The following RYR2 variants were observed in gnomAD, a reference collection of about 807,000 sequenced individuals.
RYR2 encodes the protein ryanodine receptor 2.
A neutral mutation model predicts 601.1 loss-of-function variants in RYR2; 227 were observed. The observed-to-expected ratio is 0.38, with a 90% confidence interval of 0.34 to 0.42. RYR2 has a LOEUF of 0.42. Ranked by LOEUF, RYR2 falls within the 10% of genes least tolerant of loss-of-function variation. The pLI is 1.00. For synonymous variants in RYR2, 2,223 were observed against 2,175.1 expected, an observed-to-expected ratio of 1.02 and a Z score of -0.61; for missense variants, 4,646 against 6,156.5, an observed-to-expected ratio of 0.75 and a Z score of 8.21.
At chr1:237,705,430 T>A (rs1688290864) in intron 67 of RYR2, 87 bp downstream of exon 67, 2 of 1,082,728 alleles carry the variant, frequency 1.8e-6, no homozygotes, top group Non-Finnish European at 1.3e-6. Flanking sequence ...TTTAATGAGC[T>A]CTTTCAGTTT....
At position 237,353,872 on chromosome 1, in the gene RYR2, G is replaced by A. The variant is rs1032163889; in HGVS notation, c.274-2093G>A. 4.6e-5 allele frequency among the ~76,000 whole-genome samples: 7 copies of A among 152,068 alleles called. 1 individual carries two copies. The highest frequency in any genetic ancestry group is 4.6e-4 in the Admixed American group (7 of 15,248). On this transcript the variant is annotated intron_variant, in intron 3 of 104. Transcript: ENST00000366574. ...TTCCTTTGTCTTATATGTTTTATGG[G>A]TTTGTAATTGCGTAAATTCTAAAAT...
intron 100 of RYR2, among the ~76,000 whole-genome samples, chr1:237,814,323 C>G (rs530445869): frequency 9.2e-5 from 14 of 152,306 alleles, no homozygotes; most frequent in Admixed American, 3.3e-4. Context: ...ATGACAGTCT[C>G]TTGAACGTGT....
chr1:237,491,155 T>A (rs1316274687), intron 17 of RYR2, among the ~76,000 whole-genome samples: 1 of 152,258 alleles, frequency 6.6e-6, no homozygotes, highest in Non-Finnish European at 1.5e-5. Context: ...TTGTGGTGGC[T>A]AGTACCTAAA....
intron 52 of RYR2, among the ~76,000 whole-genome samples, chr1:237,654,816 A>G (rs1278960564): frequency 1.3e-5 from 2 of 152,220 alleles, no homozygotes; most frequent in Admixed American, 6.5e-5. Context: ...GTGCCCTGCT[A>G]AAGTCTCCAG....
chr1:237,542,252 C>A (rs1281855867), intron 25 of RYR2, among the ~76,000 whole-genome samples: 1 of 151,984 alleles, frequency 6.6e-6, no homozygotes. Flanking sequence ...CATCACCACA[C>A]CCAGCTAATT....
intron 2 of RYR2, among the ~76,000 whole-genome samples, chr1:237,304,115 A>G (rs1480663101): frequency 1.3e-5 from 2 of 152,156 alleles, no homozygotes; most frequent in South Asian, 2.1e-4. Context: ...GTGTGATATG[A>G]TTCTTTTATA....
chr1:237,254,675 CTA>C (rs1284320381), intron 1 of RYR2, among the ~76,000 whole-genome samples: 1 of 152,110 alleles, frequency 6.6e-6, no homozygotes, highest in Non-Finnish European at 1.5e-5. Flanking sequence ...TATGTGTACT[CTA>C]TACATATATT....
At chr1:237,393,702 T>C (rs1702578948) in intron 10 of RYR2, among the ~76,000 whole-genome samples, 1 of 152,230 alleles carries the variant, frequency 6.6e-6, no homozygotes, top group Non-Finnish European at 1.5e-5. Flanking sequence ...CTTGATGGAA[T>C]AGTCAGTACA....
intron 48 of RYR2, 114 bp downstream of exon 48, chr1:237,643,561 T>A: frequency 9.1e-7 from 1 of 1,104,870 alleles, no homozygotes; most frequent in Non-Finnish European, 1.3e-6. Context: ...ATTATGTGTA[T>A]ACTACTTAAA....
At chr1:237,255,582 A>G (rs960836074) in intron 1 of RYR2, among the ~76,000 whole-genome samples, 5 of 152,190 alleles carry the variant, frequency 3.3e-5, no homozygotes, top group Non-Finnish European at 7.3e-5. Flanking sequence ...ATCAAGAAGT[A>G]TAGTTTGCCA....
intron 41 of RYR2, among the ~76,000 whole-genome samples, chr1:237,631,031 A>G (rs1455235695): frequency 6.6e-6 from 1 of 152,216 alleles, no homozygotes; most frequent in East Asian, 1.9e-4. Context: ...GCAACAGCAT[A>G]TATATGAAAA....
intron 87 of RYR2, among the ~76,000 whole-genome samples, chr1:237,776,629 C>A (rs998265944): frequency 2.0e-5 from 3 of 150,536 alleles, no homozygotes; most frequent in Non-Finnish European, 4.4e-5. Context: ...ACTCTCCCCC[C>A]TGAAGGTTCT....
chr1:237,695,548 C>T (rs1292884256), intron 63 of RYR2, among the ~76,000 whole-genome samples: 4 of 152,076 alleles, frequency 2.6e-5, no homozygotes, highest in Non-Finnish European at 5.9e-5. Context: ...CCAGTTGCCA[C>T]CTGAAAGTTT....
chr1:237,293,491 G>A (rs7533497), intron 2 of RYR2, among the ~76,000 whole-genome samples: 1 of 152,270 alleles, frequency 6.6e-6, no homozygotes, highest in African/African-American at 2.4e-5. Flanking sequence ...ACAGGTGTGA[G>A]CCACCGCACC....
chr1:237,157,295 C>CAAAAAAAAAAAAAAAAA (rs33922740), intron 1 of RYR2, among the ~76,000 whole-genome samples: 8 of 63,504 alleles, frequency 1.3e-4, no homozygotes, highest in Non-Finnish European at 1.9e-4. Flanking sequence ...GACTCCATCT[C>CAAAAAAAAAAAAAAAAA]AAAAAAAAAA....
rs758284122 is a variant in RYR2 at position 237,674,157 on chromosome 1, G to A, written c.8652G>A (p.Lys2884=). The A allele has an allele frequency of 1.4e-5, 23 of 1,612,472 alleles. No homozygotes were observed. Among genetic ancestry groups the A allele is most frequent in the Admixed American group, 1.0e-4 (6 of 59,982 alleles). The change falls in exon 59 of 105, where the codon AAG becomes AAA. Residue 2884 remains lysine (K), a synonymous_variant. Coordinates refer to ENST00000366574, the MANE Select transcript of RYR2 (RefSeq NM_001035.3). The part of the protein sequence containing the change: ...YDTLTAKEKA[K]DREKAQDILK... Reference sequence around the variant, plus strand: ...CACTGACAGCCAAAGAGAAAGCCAAGGATAGAGAAAAAGCACAGGACATCC... The same window carrying A: ...CACTGACAGCCAAAGAGAAAGCCAAAGATAGAGAAAAAGCACAGGACATCC...
chr1:237,601,572 T>A (rs1455347311), intron 34 of RYR2, among the ~76,000 whole-genome samples: 1 of 152,016 alleles, frequency 6.6e-6, no homozygotes. Flanking sequence ...TCAAAATAGC[T>A]AGAAGAGAGG....
intron 1 of RYR2, among the ~76,000 whole-genome samples, chr1:237,073,000 G>C (rs1010886653): frequency 1.3e-5 from 2 of 151,352 alleles, no homozygotes; most frequent in Non-Finnish European, 2.9e-5. Flanking sequence ...AATGCTCCAG[G>C]AAGCTGCCAC....
At chr1:237,314,731 C>A in intron 2 of RYR2, among the ~76,000 whole-genome samples, 1 of 152,218 alleles carries the variant, frequency 6.6e-6, no homozygotes, top group Non-Finnish European at 1.5e-5. Context: ...ATTGCTTGCT[C>A]CTCACTTGTC....
Sources: allele counts gnomAD v4.1 joint callset (sites outside exome capture counted in the v4.1 genomes callset), GRCh38; gene constraint gnomAD v4.1.1; transcripts MANE v1.5; gene names NCBI Gene and HGNC (gene_info 2026-07-23, HGNC 2026-07-21).